TTC23: variants seen among roughly 807,000 people sequenced by gnomAD.
The protein encoded by TTC23 is tetratricopeptide repeat protein 23.
In TTC23, 58 loss-of-function variants were observed where a neutral mutation model predicts 55.1. The ratio of observed to expected loss-of-function variants is 1.05; its 90% CI spans 0.85 to 1.31. The LOEUF (loss-of-function observed/expected upper bound fraction) is 1.31, where lower values mean the gene tolerates loss of function less well. TTC23 is among the 50% of genes most tolerant of loss of function. TTC23 has a pLI of 0.00. For synonymous variants in TTC23, 203 were observed against 199.9 expected, an observed-to-expected ratio of 1.02 and a Z score of -0.13; for missense variants, 516 against 534.4, an observed-to-expected ratio of 0.97 and a Z score of 0.34.
rs112710554 is a variant in TTC23 at position 99,187,214 on chromosome 15, T to C, written c.760-12059A>G. ...CCAAAATAATTTGATGGTGAAAGGA[T>C]AGTCCTTTCAATAAATAGTGCTAGG... is the stretch of plus-strand genomic sequence containing the variant. On this transcript the variant is annotated intron_variant, in intron 9 of 13. Coordinates refer to ENST00000394132, the MANE Select transcript of TTC23 (RefSeq NM_001288615.3). Among the ~76,000 whole-genome samples, 355 of 151,962 alleles carry C rather than the reference T, an allele frequency of 2.3e-3. 4 individuals are homozygous for C. The highest frequency in any genetic ancestry group is 7.9e-3 in the African/African-American group (328 of 41,486).
chr15:99,165,540 A>C (rs2071956288), intron 10 of TTC23, among the ~76,000 whole-genome samples: 1 of 152,228 alleles, frequency 6.6e-6, no homozygotes. Flanking sequence ...CAGGAATTGC[A>C]CTCAGTGCCA....
At chr15:99,145,255 A>G (rs916830843) in intron 12 of TTC23, 6 of 152,238 alleles carry the variant, frequency 3.9e-5, no homozygotes, top group Non-Finnish European at 8.8e-5. Context: ...CCCTGTGGCT[A>G]CTTCGGGGAT....
At chr15:99,159,365 T>G (rs2071045195) in intron 11 of TTC23, 1 of 152,288 alleles carries the variant, frequency 6.6e-6, no homozygotes, top group African/African-American at 2.4e-5. Flanking sequence ...AGGTTCGGTC[T>G]AGTTGCAAGA....
At position 99,139,928 on chromosome 15, in the gene TTC23, G is replaced by A. The variant is rs1038615201; in HGVS notation, c.1144-529C>T. On this transcript the variant is annotated intron_variant, in intron 12 of 13. Transcript: ENST00000394132. ...GATTTCTCCCTTCTGCTTACTTTAA[G>A]TCTTGCCATTTGATTGCTTGTAGTA... 4 of 367,140 alleles carry A rather than the reference G, an allele frequency of 1.1e-5. No homozygotes were observed. The Admixed American group carries it at 1.6e-4, about 14-fold the overall frequency. The allele number at this position is 367,140 out of a possible 1,614,324, so 22.7% of individuals were successfully genotyped here. A position where few individuals can be genotyped will look rare whatever the true frequency, so the allele number is the denominator to read the frequency against.
At chr15:99,226,853 G>A (rs1481966058) in intron 5 of TTC23, among the ~76,000 whole-genome samples, 1 of 152,140 alleles carries the variant, frequency 6.6e-6, no homozygotes, top group African/African-American at 2.4e-5. Context: ...ACTTATCACA[G>A]TCTATAATAA....
At chr15:99,204,676 C>T (rs541286958) in intron 8 of TTC23, among the ~76,000 whole-genome samples, 1 of 88,324 alleles carries the variant, frequency 1.1e-5, no homozygotes, top group Non-Finnish European at 2.1e-5. Flanking sequence ...TGTTCTGTGG[C>T]CCAGGCTGGA....
At chr15:99,240,221 T>C (rs1161779116) in intron 3 of TTC23, among the ~76,000 whole-genome samples, 3 of 152,242 alleles carry the variant, frequency 2.0e-5, no homozygotes, top group Non-Finnish European at 2.9e-5. Flanking sequence ...CCTGCAGTAT[T>C]TGTTATTCTG....
chr15:99,169,276 C>A (rs2072584567), intron 10 of TTC23, among the ~76,000 whole-genome samples: 1 of 152,164 alleles, frequency 6.6e-6, no homozygotes, highest in African/African-American at 2.4e-5. Flanking sequence ...TCAGAGCGCA[C>A]AGGGGCCCAG....
At chr15:99,239,520 AAAAT>A (rs1213348342) in intron 3 of TTC23, among the ~76,000 whole-genome samples, 1 of 152,084 alleles carries the variant, frequency 6.6e-6, no homozygotes, top group Non-Finnish European at 1.5e-5. Flanking sequence ...TAAACAAATA[AAAAT>A]AAATAAATAA....
chr15:99,225,533 C>T (rs187282699), intron 5 of TTC23, among the ~76,000 whole-genome samples: 24 of 152,200 alleles, frequency 1.6e-4, no homozygotes, highest in East Asian at 1.4e-3. Flanking sequence ...CTGGCAGATA[C>T]GGAACAATCC....
Position 99,138,063 on chromosome 15 carries a change from TGCTG to T in TTC23, c.1287_1290del (p.Ile431LeufsTer33), listed in dbSNP as rs782677978. The T allele has an allele frequency of 2.2e-5, 36 of 1,613,880 alleles. No homozygotes were observed. The highest frequency in any genetic ancestry group is 3.0e-5 in the Non-Finnish European group (35 of 1,180,016). On this transcript the variant is annotated frameshift_variant, in exon 14 of 14. Transcript: ENST00000394132. LOFTEE classifies it high-confidence loss of function. Reference sequence around the variant, plus strand: ...TTCCCCAGCAGGGTGTCCTGAGGGATGCTGGTGCAGAAGGCCACTTTGGCTTTTG... The same window carrying T: ...TTCCCCAGCAGGGTGTCCTGAGGGATGTGCAGAAGGCCACTTTGGCTTTTG...
intron 8 of TTC23, among the ~76,000 whole-genome samples, chr15:99,218,184 A>ATT (rs1353535050): frequency 5.3e-5 from 8 of 152,216 alleles, no homozygotes; most frequent in Non-Finnish European, 1.0e-4. Context: ...GTGATCATGG[A>ATT]TTCAGATGTG....
chr15:99,149,951 C>T (rs2069481676), intron 12 of TTC23, among the ~76,000 whole-genome samples: 1 of 152,212 alleles, frequency 6.6e-6, no homozygotes, highest in Non-Finnish European at 1.5e-5. Context: ...ATTCTGAGGT[C>T]CTTCCCCTGC....
chr15:99,174,173 T>C lies in TTC23; in HGVS notation c.865+877A>G, dbSNP rs943906194. Among the ~76,000 whole-genome samples the C allele has an allele frequency of 2.6e-5, 4 of 152,284 alleles. No individual in the cohort carries two copies. In the Middle Eastern group the frequency reaches 0.01, roughly 388 times the overall value. On this transcript the variant is annotated intron_variant, in intron 10 of 13. Transcript: ENST00000394132. ...TGATGGACAGATGGATAAATGCCGA[T>C]GCCCCCTTCATCAGTTCCTCTGTGG...
At chr15:99,146,972 C>G (rs552576837) in intron 12 of TTC23, among the ~76,000 whole-genome samples, 1 of 151,614 alleles carries the variant, frequency 6.6e-6, no homozygotes, top group African/African-American at 2.4e-5. Context: ...TGGAGTGCAG[C>G]GGTGTGGTCA....
At chr15:99,176,843 C>A (rs1005924986) in intron 9 of TTC23, among the ~76,000 whole-genome samples, 3 of 152,174 alleles carry the variant, frequency 2.0e-5, no homozygotes, top group African/African-American at 7.2e-5. Flanking sequence ...GAGTCTGACC[C>A]TGATCCTCTA....
At chr15:99,147,832 T>A (rs2069138943) in intron 12 of TTC23, among the ~76,000 whole-genome samples, 2 of 152,068 alleles carry the variant, frequency 1.3e-5, no homozygotes. Flanking sequence ...GGTGGCTCTG[T>A]GGGAACTCCA....
intron 9 of TTC23, among the ~76,000 whole-genome samples, chr15:99,181,552 C>T (rs1478509527): frequency 2.6e-5 from 4 of 152,200 alleles, no homozygotes; most frequent in Admixed American, 1.3e-4. Flanking sequence ...TCTTTTATAA[C>T]TGACCAGCTG....
chr15:99,232,470 C>T (rs1233778193), intron 4 of TTC23, among the ~76,000 whole-genome samples: 1 of 149,046 alleles, frequency 6.7e-6, no homozygotes, highest in African/African-American at 2.5e-5. Flanking sequence ...CACAGTGAGA[C>T]TCCATCTCAA....
Sources: gnomAD v4.1 joint callset for allele counts (sites outside exome capture counted in the v4.1 genomes callset) on GRCh38, gnomAD v4.1.1 for gene constraint, MANE v1.5 for transcripts, NCBI Gene and HGNC (gene_info 2026-07-23, HGNC 2026-07-21) for gene names.